Variants in ZFHX3 observed in about 807,000 individuals in gnomAD.
The protein encoded by ZFHX3 is zinc finger homeobox 3.
Under a neutral mutation model 279.1 loss-of-function variants are expected in ZFHX3, and 42 were observed. The ratio of observed to expected loss-of-function variants is 0.15; its 90% confidence interval spans 0.12 to 0.19. The LOEUF (loss-of-function observed/expected upper bound fraction) is 0.19. Ranked by LOEUF, ZFHX3 falls within the 10% of genes least tolerant of loss-of-function variation. The pLI is 1.00. For missense variants in ZFHX3, 4,981 were observed against 4,754.0 expected, an observed-to-expected ratio of 1.05 and a Z score of -1.40; for synonymous variants, 2,293 against 1,957.8, an observed-to-expected ratio of 1.17 and a Z score of -4.52.
intron 2 of ZFHX3, among the ~76,000 whole-genome samples, chr16:73,562,980 A>G (rs1445336905): frequency 6.6e-6 from 1 of 152,182 alleles, no homozygotes; most frequent in African/African-American, 2.4e-5. Flanking sequence ...TGCTTGAAAT[A>G]CGTGTAAACC....
At chr16:73,056,766 TATTG>T (rs1965565297) in intron 1 of ZFHX3, among the ~76,000 whole-genome samples, 1 of 152,212 alleles carries the variant, frequency 6.6e-6, no homozygotes, top group African/African-American at 2.4e-5. Context: ...CACGCTGCCC[TATTG>T]ATTATGCAGA....
intron 1 of ZFHX3, among the ~76,000 whole-genome samples, chr16:73,687,972 G>A (rs1289777731): frequency 2.7e-5 from 4 of 149,922 alleles, no homozygotes; most frequent in East Asian, 2.0e-4. Flanking sequence ...TTTTTCCAAC[G>A]TAAGACGCAA....
At chr16:73,474,839 A>G (rs2018737689) in intron 2 of ZFHX3, among the ~76,000 whole-genome samples, 1 of 152,224 alleles carries the variant, frequency 6.6e-6, no homozygotes, top group African/African-American at 2.4e-5. Context: ...TAACCTATGA[A>G]TGATGGAGCC....
At chr16:73,208,873 G>T (rs1272486903) in intron 5 of ZFHX3, among the ~76,000 whole-genome samples, 2 of 152,172 alleles carry the variant, frequency 1.3e-5, no homozygotes, top group Admixed American at 6.5e-5. Context: ...TATCAGTACT[G>T]CCCCAAACAA....
intron 1 of ZFHX3, among the ~76,000 whole-genome samples, chr16:73,848,130 A>G (rs1961499161): frequency 6.6e-6 from 1 of 151,906 alleles, no homozygotes; most frequent in Non-Finnish European, 1.5e-5. Flanking sequence ...TACAGTTTAC[A>G]CTCAATCTAG....
At chr16:73,533,290 T>C (rs1487800039) in intron 2 of ZFHX3, among the ~76,000 whole-genome samples, 2 of 151,566 alleles carry the variant, frequency 1.3e-5, no homozygotes, top group Non-Finnish European at 2.9e-5. Context: ...CTCCTGACTA[T>C]CACTTGTACC....
intron 1 of ZFHX3, among the ~76,000 whole-genome samples, chr16:73,806,028 A>G (rs1027555423): frequency 2.0e-5 from 3 of 152,232 alleles, no homozygotes; most frequent in Non-Finnish European, 2.9e-5. Flanking sequence ...CAGGAAACTT[A>G]CAATCATGGC....
intron 3 of ZFHX3, among the ~76,000 whole-genome samples, chr16:73,357,976 C>A (rs572972908): frequency 6.6e-6 from 1 of 152,222 alleles, no homozygotes; most frequent in African/African-American, 2.4e-5. Context: ...GTGAGCCTCC[C>A]CCATCCCCTC....
At chr16:72,928,513 A>G (rs1033922900) in intron 3 of ZFHX3, among the ~76,000 whole-genome samples, 1 of 152,048 alleles carries the variant, frequency 6.6e-6, no homozygotes, top group African/African-American at 2.4e-5. Flanking sequence ...AGGAGGGGTC[A>G]GCGGTGTTTA....
chr16:73,523,562 G>C (rs1156369207), intron 2 of ZFHX3, among the ~76,000 whole-genome samples: 1 of 151,406 alleles, frequency 6.6e-6, no homozygotes. Flanking sequence ...CTGGATCCTT[G>C]GCATATTTCA....
chr16:73,604,692 C>A (rs2052159391), intron 2 of ZFHX3, among the ~76,000 whole-genome samples: 1 of 149,292 alleles, frequency 6.7e-6, no homozygotes, highest in Non-Finnish European at 1.5e-5. Flanking sequence ...TAGCAGTGGG[C>A]AGAGATGGGA....
intron 1 of ZFHX3, among the ~76,000 whole-genome samples, chr16:73,890,320 CAT>C (rs1420353375): frequency 3.3e-5 from 5 of 151,610 alleles, no homozygotes; most frequent in Non-Finnish European, 7.4e-5. Context: ...GCAGGTGTTG[CAT>C]ACAAAATAGC....
intron 2 of ZFHX3, among the ~76,000 whole-genome samples, chr16:73,641,530 A>G (rs572480576): frequency 1.3e-5 from 2 of 152,352 alleles, no homozygotes; most frequent in South Asian, 4.1e-4. Flanking sequence ...GTGTCAGAAA[A>G]GCAATATAAC....
rs185172550 is a variant in ZFHX3 at position 73,470,825 on chromosome 16, C to T, written c.-1546-14567G>A. ...GAGATTGTTTATCTATACCTCATCA[C>T]GGCTACCTGTTTCCTGGGGGATCCA... On this transcript the variant is annotated intron_variant, in intron 2 of 17. Coordinates refer to the ZFHX3 transcript ENST00000641206. 2.6e-3 allele frequency among the ~76,000 whole-genome samples: 392 copies of T among 152,324 alleles called. 1 individual carries two copies. The highest frequency in any genetic ancestry group is 8.9e-3 in the African/African-American group (371 of 41,568).
At chr16:73,174,518 C>T (rs1357417138) in intron 5 of ZFHX3, among the ~76,000 whole-genome samples, 2 of 152,086 alleles carry the variant, frequency 1.3e-5, no homozygotes, top group East Asian at 3.9e-4. Context: ...TGCATCCTCA[C>T]TGCTTGGGCT....
intron 2 of ZFHX3, among the ~76,000 whole-genome samples, chr16:73,539,141 T>C (rs1435227843): frequency 6.6e-6 from 1 of 152,170 alleles, no homozygotes; most frequent in East Asian, 1.9e-4. Flanking sequence ...TTCTTTCTTT[T>C]TTTTTTGCCT....
chr16:73,760,416 G>T (rs904797897), intron 1 of ZFHX3, among the ~76,000 whole-genome samples: 2 of 152,032 alleles, frequency 1.3e-5, no homozygotes, highest in African/African-American at 2.4e-5. Flanking sequence ...GAAAAAGAGG[G>T]AATCCTCCCT....
rs1216422012 is a variant in ZFHX3 at position 72,787,602 on chromosome 16, G to T, written c.10674C>A (p.Ile3558=). 6.2e-7 allele frequency: 1 copy of T among 1,613,814 alleles called. No individual in the cohort carries two copies. The highest frequency in any genetic ancestry group is 8.5e-7 in the Non-Finnish European group (1 of 1,179,950). ...CTTTGGCGTTTCTTGCTGCTCTCGT[G>T]ATTGTTCTGTGTTTGTGCAAGGCCG... ...LESALHKHRT[I]TRAARNAKEH... is the part of the protein sequence containing the mutation. Residue 3558 remains isoleucine (I), a synonymous_variant, in exon 10 of 10, where the codon ATC becomes ATA. Coordinates refer to ENST00000268489, the MANE Select transcript of ZFHX3 (RefSeq NM_006885.4).
At chr16:72,952,819 G>C (rs1961058405) in intron 2 of ZFHX3, among the ~76,000 whole-genome samples, 1 of 152,176 alleles carries the variant, frequency 6.6e-6, no homozygotes, top group African/African-American at 2.4e-5. Context: ...AAAAAGAGCA[G>C]CCTTCCCTCC....
Sources: allele counts gnomAD v4.1 joint callset (sites outside exome capture counted in the v4.1 genomes callset), GRCh38; gene constraint gnomAD v4.1.1; transcripts MANE v1.5; gene names NCBI Gene and HGNC (gene_info 2026-07-23, HGNC 2026-07-21).